LEKR1: variants seen among roughly 807,000 people sequenced by gnomAD.
The protein encoded by LEKR1 is protein LEKR1.
A neutral mutation model predicts 72.4 loss-of-function variants in LEKR1; 59 were observed. The ratio of observed to expected loss-of-function variants is 0.82; its 90% confidence interval spans 0.66 to 1.01. The LOEUF is 1.01. Ranked by LOEUF, LEKR1 falls within the 50% of genes least tolerant of loss-of-function variation. The probability of loss-of-function intolerance (pLI) is 0.00; values close to 1 mark genes in which losing one functional copy is unlikely to be tolerated. For missense variants in LEKR1, 728 were observed against 759.2 expected, an observed-to-expected ratio of 0.96 and a Z score of 0.48; for synonymous variants, 257 against 263.2, an observed-to-expected ratio of 0.98 and a Z score of 0.23.
intron 3 of LEKR1, among the ~76,000 whole-genome samples, chr3:156,907,659 T>G (rs1013915735): frequency 2.0e-5 from 3 of 152,064 alleles, no homozygotes; most frequent in Non-Finnish European, 4.4e-5. Flanking sequence ...AAAAAATAAG[T>G]TTAGATTTAT....
At chr3:156,988,665 C>A in intron 7 of LEKR1, 1 of 237,704 alleles carries the variant, frequency 4.2e-6, no homozygotes, top group South Asian at 9.2e-5. Context: ...CCTCTGCACC[C>A]AGCTTCAGGC....
intron 5 of LEKR1, among the ~76,000 whole-genome samples, chr3:156,939,124 T>C (rs1576863087): frequency 6.6e-6 from 1 of 152,202 alleles, no homozygotes; most frequent in African/African-American, 2.4e-5. Flanking sequence ...ATTCATATAC[T>C]GAAATGTTAA....
chr3:156,976,996 C>CCACAGTAAACAAGTGTTTA (rs1311804268), intron 6 of LEKR1, among the ~76,000 whole-genome samples: 1 of 152,204 alleles, frequency 6.6e-6, no homozygotes. Flanking sequence ...AGCCAGTGGA[C>CCACAGTAAACAAGTGTTTA]CTCACAGTAA....
rs1282525430 is a variant in LEKR1 at position 156,829,337 on chromosome 3, A to G, written c.8A>G (p.His3Arg). 4 of 1,534,130 alleles carry G rather than the reference A, an allele frequency of 2.6e-6. No homozygotes were observed. The highest frequency in any genetic ancestry group is 3.5e-6 in the Non-Finnish European group (4 of 1,145,102). The change falls in exon 2 of 13, where the codon CAT (histidine) becomes CGT (arginine). Residue 3 changes from histidine to arginine, a missense_variant. Transcript: ENST00000356539. MD[H>R]HIPMHALPEE... ...ACCATATTTTGGGAAGTTATGGATC[A>G]TCACATTCCCATGCATGCGTTGCCT...
At chr3:156,857,301 A>G (rs948098276) in intron 3 of LEKR1, among the ~76,000 whole-genome samples, 2 of 152,092 alleles carry the variant, frequency 1.3e-5, no homozygotes, top group Non-Finnish European at 2.9e-5. Context: ...GGGTTCCCAA[A>G]GTCTCATGTA....
chr3:156,853,542 G>C (rs1715655327), intron 3 of LEKR1, among the ~76,000 whole-genome samples: 1 of 151,990 alleles, frequency 6.6e-6, no homozygotes, highest in African/African-American at 2.4e-5. Context: ...GTGTTTTATA[G>C]TTTTTCCTAT....
At chr3:156,853,156 T>G (rs1393424669) in intron 3 of LEKR1, 174 bp downstream of exon 3, 1 of 343,898 alleles carries the variant, frequency 2.9e-6, no homozygotes, top group Non-Finnish European at 5.1e-6. Flanking sequence ...TAGTTTGCTT[T>G]CTTTTGAGGC....
intron 1 of LEKR1, chr3:156,826,685 G>A (rs1711640002): frequency 1.3e-5 from 2 of 155,500 alleles, no homozygotes; most frequent in Admixed American, 1.3e-4. Context: ...AGGGGGAACG[G>A]GGTTAGAAAG....
chr3:156,953,889 C>T (rs112513174), intron 6 of LEKR1, among the ~76,000 whole-genome samples: 31 of 151,784 alleles, frequency 2.0e-4, no homozygotes, highest in African/African-American at 5.6e-4. Context: ...TACCCAGTAA[C>T]GGGATTGCTG....
chr3:157,008,659 A>C (rs1356756090), intron 9 of LEKR1, among the ~76,000 whole-genome samples: 1 of 152,242 alleles, frequency 6.6e-6, no homozygotes, highest in African/African-American at 2.4e-5. Flanking sequence ...GAACATCTAC[A>C]AAAACCTACA....
intron 10 of LEKR1, among the ~76,000 whole-genome samples, chr3:157,015,005 G>A (rs575956133): frequency 2.0e-3 from 300 of 152,222 alleles, no homozygotes; most frequent in Non-Finnish European, 3.4e-3. Context: ...AAACAGTGAG[G>A]AAACGATAGA....
chr3:156,883,281 A>G (rs914139184), intron 3 of LEKR1, among the ~76,000 whole-genome samples: 1 of 152,154 alleles, frequency 6.6e-6, no homozygotes, highest in African/African-American at 2.4e-5. Context: ...ATTTACCCAA[A>G]TGCCTGCACC....
chr3:156,891,123 C>G (rs1478460724), intron 3 of LEKR1, among the ~76,000 whole-genome samples: 1 of 151,628 alleles, frequency 6.6e-6, no homozygotes. Flanking sequence ...CTGCCTGCCT[C>G]GGCCTCCCAA....
intron 2 of LEKR1, among the ~76,000 whole-genome samples, chr3:156,846,800 T>C (rs538470510): frequency 1.3e-5 from 2 of 152,124 alleles, no homozygotes; most frequent in South Asian, 2.1e-4. Context: ...CACAATTATA[T>C]GTATGTATGT....
At chr3:156,945,135 G>A (rs1726567589) in intron 6 of LEKR1, among the ~76,000 whole-genome samples, 1 of 151,622 alleles carries the variant, frequency 6.6e-6, no homozygotes, top group Admixed American at 6.6e-5. Context: ...TTATATCTCA[G>A]TATAGTTTTG....
At chr3:156,844,101 G>A (rs1469692428) in intron 2 of LEKR1, among the ~76,000 whole-genome samples, 4 of 152,104 alleles carry the variant, frequency 2.6e-5, no homozygotes, top group African/African-American at 9.7e-5. Context: ...AGGATTCCCA[G>A]TGGAAAAATA....
chr3:156,844,266 C>G (rs968485861), intron 2 of LEKR1, among the ~76,000 whole-genome samples: 15 of 151,920 alleles, frequency 9.9e-5, no homozygotes, highest in African/African-American at 3.4e-4. Flanking sequence ...TGATTTTTTT[C>G]TATTTTTATT....
At chr3:156,920,796 G>T (rs1724123187) in intron 4 of LEKR1, 102 bp downstream of exon 4, 5 of 632,424 alleles carry the variant, frequency 7.9e-6, no homozygotes, top group South Asian at 2.5e-5. Flanking sequence ...TCTATATCTG[G>T]TGTGATTGAG....
chr3:157,030,915 G>A (rs1392311690), intron 12 of LEKR1, among the ~76,000 whole-genome samples: 1 of 152,202 alleles, frequency 6.6e-6, no homozygotes. Context: ...GCAAGCGAGT[G>A]AGAATGAGAG....
Sources: allele counts gnomAD v4.1 joint callset (sites outside exome capture counted in the v4.1 genomes callset), GRCh38; gene constraint gnomAD v4.1.1; transcripts MANE v1.5; gene names NCBI Gene and HGNC (gene_info 2026-07-23, HGNC 2026-07-21).